Variants in CFAP299 observed in about 807,000 individuals in gnomAD.
CFAP299 encodes cilia- and flagella-associated protein 299.
Under a neutral mutation model 27.0 loss-of-function variants are expected in CFAP299, and 21 were observed. The observed-to-expected ratio is 0.78, with a 90% CI of 0.55 to 1.12. CFAP299 has a LOEUF of 1.12. Among genes scored for constraint, CFAP299 ranks in the 50% most tolerant of loss-of-function variants. The pLI, the probability that CFAP299 is intolerant of heterozygous loss-of-function variation, is 0.00. For synonymous variants in CFAP299, 104 were observed against 98.1 expected, an observed-to-expected ratio of 1.06 and a Z score of -0.36; for missense variants, 310 against 276.6, an observed-to-expected ratio of 1.12 and a Z score of -0.86.
intron 3 of CFAP299, among the ~76,000 whole-genome samples, chr4:80,740,543 C>T (rs969672945): frequency 1.1e-4 from 17 of 152,280 alleles, no homozygotes; most frequent in African/African-American, 4.1e-4. Context: ...GTGGCCATCA[C>T]CACTGGGACT....
chr4:80,619,253 ATCAAAACTAT>A (rs1414468758), intron 3 of CFAP299, among the ~76,000 whole-genome samples: 1 of 132,224 alleles, frequency 7.6e-6, no homozygotes, highest in African/African-American at 3.9e-5. Flanking sequence ...AATGTCATGT[ATCAAAACTAT>A]TTGAACCAAA....
intron 3 of CFAP299, among the ~76,000 whole-genome samples, chr4:80,647,726 G>A (rs1356217119): frequency 6.6e-6 from 1 of 152,116 alleles, no homozygotes; most frequent in Non-Finnish European, 1.5e-5. Context: ...ATATTTAATT[G>A]TTCATGTAAT....
At chr4:80,770,957 T>A (rs1367248401) in intron 3 of CFAP299, among the ~76,000 whole-genome samples, 1 of 152,170 alleles carries the variant, frequency 6.6e-6, no homozygotes, top group African/African-American at 2.4e-5. Flanking sequence ...GCTAGTTAGG[T>A]CAGGCCCACC....
chr4:80,394,451 G>A (rs1404604614), intron 2 of CFAP299, among the ~76,000 whole-genome samples: 5 of 145,640 alleles, frequency 3.4e-5, no homozygotes, highest in Non-Finnish European at 7.6e-5. Context: ...GTCTATTTTT[G>A]TTTTTGTTTT....
At chr4:80,957,140 T>C (rs1295957515) in intron 5 of CFAP299, among the ~76,000 whole-genome samples, 1 of 152,202 alleles carries the variant, frequency 6.6e-6, no homozygotes, top group South Asian at 2.1e-4. Context: ...TTTTGTTTCA[T>C]CAGTTATTAT....
chr4:80,674,870 A>G (rs1160650019), intron 3 of CFAP299, among the ~76,000 whole-genome samples: 2 of 152,208 alleles, frequency 1.3e-5, no homozygotes, highest in African/African-American at 2.4e-5. Flanking sequence ...TTTCAGCTCC[A>G]TCATGTCATT....
chr4:80,716,621 G>C (rs1459251579), intron 3 of CFAP299, among the ~76,000 whole-genome samples: 1 of 152,026 alleles, frequency 6.6e-6, no homozygotes, highest in Non-Finnish European at 1.5e-5. Context: ...GATATATTTT[G>C]TAGCTTACTT....
the CFAP299 span, among the ~76,000 whole-genome samples, chr4:80,325,912 A>C: frequency 2.8e-3 from 432 of 152,334 alleles, 1 homozygote; most frequent in African/African-American, 9.5e-3. Context: ...AGCTGAACTG[A>C]GTGCAGATAC....
At position 80,924,384 on chromosome 4, in the gene CFAP299, A is replaced by G. The variant is rs1274339354; in HGVS notation, c.477-20426A>G. On this transcript the variant is annotated intron_variant, in intron 4 of 5. Transcript: ENST00000358105. The stretch of plus-strand genomic sequence containing the variant: ...CAGGTTCTACCTCTTGTTCACCTTC[A>G]TTGCTGTTACTTGTGGCAGACCAAG... 2.0e-5 allele frequency among the ~76,000 whole-genome samples: 3 copies of G among 151,706 alleles called. No individual in the cohort carries two copies. The Admixed American group carries it at 2.0e-4, about 10-fold the overall frequency.
chr4:80,363,321 A>G lies in CFAP299; in HGVS notation c.242+437A>G, dbSNP rs558424859. 3.3e-5 allele frequency among the ~76,000 whole-genome samples: 5 copies of G among 152,296 alleles called. No homozygotes were observed. The South Asian group carries it at 1.0e-3, about 32-fold the overall frequency. On this transcript the variant is annotated intron_variant, in intron 2 of 5. Coordinates refer to ENST00000358105, the MANE Select transcript of CFAP299 (RefSeq NM_152770.3). ...TAACTTTTGTTTATATGCCTAATTTATATATGTTAGTATATAATATGTGGT... is the reference window on the plus strand; with the variant it reads ...TAACTTTTGTTTATATGCCTAATTTGTATATGTTAGTATATAATATGTGGT...
chr4:80,808,314 T>A (rs926676175), intron 3 of CFAP299, among the ~76,000 whole-genome samples: 2 of 152,136 alleles, frequency 1.3e-5, no homozygotes, highest in Non-Finnish European at 2.9e-5. Context: ...CTTCATAACA[T>A]GCTGCTACCC....
At chr4:80,818,205 G>A (rs1482135203) in intron 3 of CFAP299, among the ~76,000 whole-genome samples, 1 of 152,150 alleles carries the variant, frequency 6.6e-6, no homozygotes, top group Admixed American at 6.6e-5. Context: ...TGACTGCATA[G>A]TATTCCGTGG....
chr4:80,653,475 G>A (rs1289018105), intron 3 of CFAP299, among the ~76,000 whole-genome samples: 6 of 151,982 alleles, frequency 3.9e-5, no homozygotes, highest in Non-Finnish European at 5.9e-5. Flanking sequence ...TCTACCCAAG[G>A]TGAACACTAT....
intron 3 of CFAP299, among the ~76,000 whole-genome samples, chr4:80,683,469 A>G (rs1719974588): frequency 6.6e-6 from 1 of 152,180 alleles, no homozygotes; most frequent in East Asian, 1.9e-4. Context: ...TATTTATTTT[A>G]TAACATAAAA....
At chr4:80,873,041 CT>C in intron 4 of CFAP299, 1 of 976,978 alleles carries the variant, frequency 1.0e-6, no homozygotes, top group Non-Finnish European at 1.2e-6. Flanking sequence ...AAACCCCATC[CT>C]TTTTGGAAGT....
At chr4:80,728,283 C>A (rs1366036606) in intron 3 of CFAP299, among the ~76,000 whole-genome samples, 1 of 152,000 alleles carries the variant, frequency 6.6e-6, no homozygotes, top group East Asian at 1.9e-4. Context: ...TCCATATCCA[C>A]AAAACTTTGG....
chr4:80,674,993 G>C lies in CFAP299; in HGVS notation c.333+91810G>C, dbSNP rs139711181. ...ATCCTCCTTTAGCTTGGAGAAGTTT[G>C]TTATTACCGACCTTCTGAAGCCTAC... On this transcript the variant is annotated intron_variant, in intron 3 of 5. Coordinates refer to ENST00000358105, the MANE Select transcript of CFAP299 (RefSeq NM_152770.3). 2.4e-4 allele frequency among the ~76,000 whole-genome samples: 36 copies of C among 152,200 alleles called. No individual in the cohort carries two copies. The East Asian group carries it at 6.2e-3, about 26-fold the overall frequency.
At chr4:80,527,416 A>G (rs1733247226) in intron 2 of CFAP299, among the ~76,000 whole-genome samples, 1 of 152,128 alleles carries the variant, frequency 6.6e-6, no homozygotes, top group Non-Finnish European at 1.5e-5. Context: ...GGTATTGCCA[A>G]TGAAGAAGCA....
intron 3 of CFAP299, among the ~76,000 whole-genome samples, chr4:80,671,755 C>T (rs1369681145): frequency 1.3e-5 from 2 of 152,252 alleles, no homozygotes; most frequent in Non-Finnish European, 2.9e-5. Context: ...CTCTTTGAAG[C>T]CACTGTGAAT....
Sources: gnomAD v4.1 joint callset for allele counts (sites outside exome capture counted in the v4.1 genomes callset) on GRCh38, gnomAD v4.1.1 for gene constraint, MANE v1.5 for transcripts, NCBI Gene and HGNC (gene_info 2026-07-23, HGNC 2026-07-21) for gene names.